Variants in PLCH1 observed in about 807,000 individuals in gnomAD.
PLCH1 encodes the protein phospholipase C eta 1.
Under a neutral mutation model 126.7 loss-of-function variants are expected in PLCH1, and 60 were observed. The observed-to-expected ratio is 0.47, with a 90% CI of 0.38 to 0.59. The LOEUF is 0.59. PLCH1 is among the 20% of genes least tolerant of loss of function. PLCH1 has a pLI of 0.00. For missense variants in PLCH1, 1,723 were observed against 2,040.0 expected, an observed-to-expected ratio of 0.84 and a Z score of 2.99; for synonymous variants, 719 against 734.9, an observed-to-expected ratio of 0.98 and a Z score of 0.35.
intron 11 of PLCH1, among the ~76,000 whole-genome samples, chr3:155,521,142 A>G (rs1435481110): frequency 6.6e-6 from 1 of 152,178 alleles, no homozygotes; most frequent in Non-Finnish European, 1.5e-5. Context: ...TAAAATTTCA[A>G]TAGATCCCTT....
At chr3:155,460,904 C>A (rs904748700) in intron 21 of PLCH1, among the ~76,000 whole-genome samples, 2 of 152,148 alleles carry the variant, frequency 1.3e-5, no homozygotes, top group Non-Finnish European at 2.9e-5. Context: ...ATTGCAGCTT[C>A]TGTGCTAGAT....
chr3:155,724,826 T>C (rs1748203994), intron 1 of PLCH1, among the ~76,000 whole-genome samples: 2 of 150,762 alleles, frequency 1.3e-5, no homozygotes, highest in Non-Finnish European at 2.9e-5. Context: ...TGTGTGTGTG[T>C]GTGTGTGTGT....
intron 10 of PLCH1, among the ~76,000 whole-genome samples, chr3:155,540,689 G>A (rs1279586582): frequency 2.0e-5 from 3 of 152,082 alleles, no homozygotes; most frequent in Non-Finnish European, 2.9e-5. Context: ...AAACCACAAT[G>A]CAATACCAAC....
intron 11 of PLCH1, among the ~76,000 whole-genome samples, chr3:155,522,714 T>C (rs1281815978): frequency 1.0e-3 from 147 of 145,054 alleles, no homozygotes; most frequent in East Asian, 1.6e-3. Context: ...CTCTCTCTTT[T>C]TTTTTTTTTT....
At chr3:155,611,961 A>G (rs1012919142) in intron 2 of PLCH1, among the ~76,000 whole-genome samples, 1 of 152,174 alleles carries the variant, frequency 6.6e-6, no homozygotes, top group Non-Finnish European at 1.5e-5. Context: ...AAATTATTTG[A>G]ACTGAACAAT....
chr3:155,470,747 C>T (rs1290966137), intron 21 of PLCH1, among the ~76,000 whole-genome samples: 3 of 152,020 alleles, frequency 2.0e-5, no homozygotes, highest in South Asian at 4.2e-4. Context: ...ACCCTACAAG[C>T]CAGAAGAGAG....
At chr3:155,717,123 C>A (rs1056053202) in intron 1 of PLCH1, among the ~76,000 whole-genome samples, 2 of 152,258 alleles carry the variant, frequency 1.3e-5, no homozygotes, top group African/African-American at 4.8e-5. Context: ...TTTCCTTTGA[C>A]TCCATGACCC....
At chr3:155,554,918 A>G (rs997480769) in intron 8 of PLCH1, among the ~76,000 whole-genome samples, 2 of 152,210 alleles carry the variant, frequency 1.3e-5, no homozygotes. Context: ...TACTATTAAT[A>G]TTGCTCTCTA....
chr3:155,486,518 T>TTG, intron 21 of PLCH1, among the ~76,000 whole-genome samples: 1 of 143,264 alleles, frequency 7.0e-6, no homozygotes, highest in Non-Finnish European at 1.5e-5. Context: ...AGTTTGTTTT[T>TTG]TTTTTTTTTT....
At position 155,463,310 on chromosome 3, in the gene PLCH1, G is replaced by A. The variant is rs138532138; in HGVS notation, c.2938+22046C>T. Among the ~76,000 whole-genome samples the A allele has an allele frequency of 1.7e-4, 26 of 152,080 alleles. No individual in the cohort carries two copies. The East Asian group carries it at 4.2e-3, about 25-fold the overall frequency. On this transcript the variant is annotated intron_variant, in intron 21 of 21. Coordinates refer to the PLCH1 transcript ENST00000494598. ...ATAGGTGATATGTTTCTAATTGTTC[G>A]GACATTTAGAACAAAACCAATATAT...
chr3:155,559,750 T>C (rs1727331951), intron 8 of PLCH1, among the ~76,000 whole-genome samples: 1 of 152,136 alleles, frequency 6.6e-6, no homozygotes. Context: ...CTTTTGGACA[T>C]ACAGAGCCAA....
intron 1 of PLCH1, among the ~76,000 whole-genome samples, chr3:155,708,517 A>G (rs998348140): frequency 6.6e-6 from 1 of 152,240 alleles, no homozygotes; most frequent in Non-Finnish European, 1.5e-5. Flanking sequence ...TGGGAAACCC[A>G]GCCTCAGCAG....
intron 6 of PLCH1, among the ~76,000 whole-genome samples, chr3:155,571,301 A>C (rs1729194288): frequency 6.6e-6 from 1 of 152,240 alleles, no homozygotes; most frequent in Non-Finnish European, 1.5e-5. Flanking sequence ...TAACTAAATA[A>C]GTCAAAACTA....
intron 11 of PLCH1, among the ~76,000 whole-genome samples, chr3:155,518,938 A>G (rs1720711700): frequency 6.6e-6 from 1 of 152,226 alleles, no homozygotes. Context: ...GCCGATCCAG[A>G]GCTGGTAAAA....
chr3:155,730,876 T>C (rs979623984), intron 1 of PLCH1, among the ~76,000 whole-genome samples: 5 of 152,126 alleles, frequency 3.3e-5, no homozygotes, highest in Admixed American at 2.0e-4. Flanking sequence ...GGGAAGAAGA[T>C]GGAGGTGAAT....
At chr3:155,733,026 A>G (rs932617740) in intron 1 of PLCH1, among the ~76,000 whole-genome samples, 2 of 152,194 alleles carry the variant, frequency 1.3e-5, no homozygotes, top group Admixed American at 6.5e-5. Context: ...AAAAACTTGC[A>G]TACTGAAAAC....
chr3:155,704,075 A>G, intron 2 of PLCH1, 71 bp downstream of exon 2: 2 of 564,866 alleles, frequency 3.5e-6, no homozygotes, highest in South Asian at 1.8e-4. Context: ...TTGCATCTAG[A>G]GTGCTAGAAT....
chr3:155,664,021 T>C (rs1742462601), intron 2 of PLCH1, among the ~76,000 whole-genome samples: 1 of 152,182 alleles, frequency 6.6e-6, no homozygotes, highest in African/African-American at 2.4e-5. Flanking sequence ...CCTGCTATAA[T>C]CATTCAGTTA....
At chr3:155,710,493 CA>C (rs1653678771) in intron 1 of PLCH1, among the ~76,000 whole-genome samples, 1 of 152,016 alleles carries the variant, frequency 6.6e-6, no homozygotes, top group Non-Finnish European at 1.5e-5. Flanking sequence ...ACATAATTGA[CA>C]GTGAATAAGG....
Sources: allele counts gnomAD v4.1 joint callset (sites outside exome capture counted in the v4.1 genomes callset), GRCh38; gene constraint gnomAD v4.1.1; transcripts MANE v1.5; gene names NCBI Gene and HGNC (gene_info 2026-07-23, HGNC 2026-07-21).